DGKI: variants seen among roughly 807,000 people sequenced by gnomAD.
DGKI encodes the protein diacylglycerol kinase iota, also known as DAG kinase iota.
In DGKI, 55 loss-of-function variants were observed where a neutral mutation model predicts 147.5. The ratio of observed to expected loss-of-function variants is 0.37; its 90% confidence interval spans 0.30 to 0.47. The LOEUF is 0.47. Ranked by LOEUF, DGKI falls within the 20% of genes least tolerant of loss-of-function variation. The pLI is 1.00. For missense variants in DGKI, 1,007 were observed against 1,323.8 expected (o/e 0.76, Z 3.71); for synonymous variants, 469 against 477.1 (o/e 0.98, Z 0.22).
chr7:137,622,315 G>A (rs534173933), intron 7 of DGKI, among the ~76,000 whole-genome samples: 3 of 152,326 alleles, frequency 2.0e-5, no homozygotes, highest in Admixed American at 2.0e-4. Flanking sequence ...CATGGCCTGT[G>A]TGGCTAGTTT....
In DGKI at chr7:137,846,117, CCTTTCTCTCTCTCT is replaced by C. The variant is rs1296217466; in HGVS notation, c.401+331_401+344del. 1.3e-5 allele frequency among the ~76,000 whole-genome samples: 1 copy of C among 76,616 alleles called. No homozygotes were observed. The highest frequency in any genetic ancestry group is 2.8e-5 in the Non-Finnish European group (1 of 35,234). 50.3% of individuals were successfully genotyped at this position (76,616 alleles called of 152,430 possible). A position where few individuals can be genotyped will look rare whatever the true frequency, so the allele number is the denominator to read the frequency against. On this transcript the variant is annotated intron_variant, in intron 1 of 32. Transcript: ENST00000614521. The surrounding 1 kb of genome is among the most constrained non-coding windows in gnomAD (Gnocchi z 4.0). Reference sequence around the variant, plus strand: ...AACTAAGCATCACTGAGTCTGCAACCCTTTCTCTCTCTCTCTTTCTCTCTCTCTCTCTCTCTCTC... The same window carrying C: ...AACTAAGCATCACTGAGTCTGCAACCCTTTCTCTCTCTCTCTCTCTCTCTC...
intron 1 of DGKI, among the ~76,000 whole-genome samples, chr7:137,813,775 G>A (rs1008278200): frequency 6.6e-6 from 1 of 152,198 alleles, no homozygotes; most frequent in Non-Finnish European, 1.5e-5. Context: ...CCACTCAAAT[G>A]TAGTGATTTT....
intron 6 of DGKI, among the ~76,000 whole-genome samples, chr7:137,639,514 C>A (rs907552811): frequency 4.6e-5 from 7 of 152,132 alleles, no homozygotes; most frequent in Non-Finnish European, 7.3e-5. Flanking sequence ...TGCTTGTGTA[C>A]CTGGGACCTG....
chr7:137,474,866 C>T (rs1208580598), intron 23 of DGKI, among the ~76,000 whole-genome samples: 9 of 152,128 alleles, frequency 5.9e-5, no homozygotes, highest in Non-Finnish European at 1.0e-4. Context: ...ACCCGCTACT[C>T]GCTGTGAGAG....
At chr7:137,398,687 G>A (rs922315655) in intron 30 of DGKI, among the ~76,000 whole-genome samples, 1 of 151,952 alleles carries the variant, frequency 6.6e-6, no homozygotes, top group Non-Finnish European at 1.5e-5. Context: ...AATTCTCCTG[G>A]TCATCCAAAT....
At chr7:137,691,809 T>TTTTTTTTTGTTTTTTTG (rs1823620584) in intron 1 of DGKI, among the ~76,000 whole-genome samples, 5 of 141,012 alleles carry the variant, frequency 3.5e-5, no homozygotes, top group African/African-American at 1.4e-4. Flanking sequence ...TTTTTTTTTT[T>TTTTTTTTTGTTTTTTTG]TTTTTTTTTT....
intron 1 of DGKI, among the ~76,000 whole-genome samples, chr7:137,745,065 C>A (rs1795283831): frequency 6.6e-6 from 1 of 152,028 alleles, no homozygotes; most frequent in African/African-American, 2.4e-5. Flanking sequence ...ACCCATGTAA[C>A]AAATCTATAC....
intron 21 of DGKI, among the ~76,000 whole-genome samples, chr7:137,495,262 A>G (rs1333787855): frequency 6.6e-6 from 1 of 152,036 alleles, no homozygotes; most frequent in Non-Finnish European, 1.5e-5. Context: ...AAGTCCTTGA[A>G]TAGTCCAATA....
intron 27 of DGKI, among the ~76,000 whole-genome samples, chr7:137,461,205 A>G (rs781314665): frequency 7.9e-5 from 12 of 152,226 alleles, no homozygotes; most frequent in Non-Finnish European, 1.5e-4. Flanking sequence ...TGGAAAAAGC[A>G]TGGAGTCAGA....
intron 1 of DGKI, among the ~76,000 whole-genome samples, chr7:137,740,040 AT>A (rs1271142116): frequency 2.0e-5 from 3 of 152,196 alleles, no homozygotes; most frequent in African/African-American, 7.2e-5. Flanking sequence ...CTCTGTTGGA[AT>A]AAAGCTAGTC....
At chr7:137,451,361 T>C (rs1054818391) in intron 27 of DGKI, among the ~76,000 whole-genome samples, 3 of 152,220 alleles carry the variant, frequency 2.0e-5, no homozygotes, top group Admixed American at 1.3e-4. Flanking sequence ...CAGCACATAT[T>C]GGCTAGTGGC....
intron 1 of DGKI, among the ~76,000 whole-genome samples, chr7:137,829,475 C>G (rs1029453476): frequency 1.3e-5 from 2 of 152,214 alleles, no homozygotes; most frequent in African/African-American, 4.8e-5. Context: ...AATCCCACAA[C>G]GCTGTGCTGT....
chr7:137,474,467 T>C (rs1007772287), intron 23 of DGKI, among the ~76,000 whole-genome samples: 7 of 151,828 alleles, frequency 4.6e-5, no homozygotes, highest in African/African-American at 1.7e-4. Context: ...TGAAAATATA[T>C]CTCAAAGATC....
intron 30 of DGKI, 61 bp downstream of exon 30, chr7:137,407,814 T>C: frequency 2.5e-6 from 4 of 1,588,634 alleles, no homozygotes; most frequent in Non-Finnish European, 2.6e-6. Flanking sequence ...ACTTAGAAAA[T>C]GCAAAATGCA....
chr7:137,579,080 G>C (rs562583876), intron 15 of DGKI, among the ~76,000 whole-genome samples: 1 of 151,980 alleles, frequency 6.6e-6, no homozygotes, highest in South Asian at 2.1e-4. Flanking sequence ...AGATGTATTG[G>C]CATAATTCTC....
At chr7:137,536,914 T>C (rs1392551648) in intron 20 of DGKI, among the ~76,000 whole-genome samples, 1 of 147,668 alleles carries the variant, frequency 6.8e-6, no homozygotes, top group Non-Finnish European at 1.5e-5. Context: ...CAAAACAAAT[T>C]AAAAAAAAAA....
chr7:137,709,465 G>A (rs1264439557), intron 1 of DGKI, among the ~76,000 whole-genome samples: 2 of 152,138 alleles, frequency 1.3e-5, no homozygotes, highest in East Asian at 1.9e-4. Context: ...AAAAATGTTC[G>A]TCTTGAATAC....
At chr7:137,836,346 A>G (rs1798380860) in intron 1 of DGKI, among the ~76,000 whole-genome samples, 1 of 152,244 alleles carries the variant, frequency 6.6e-6, no homozygotes, top group Non-Finnish European at 1.5e-5. Context: ...AACTGCACTC[A>G]TGAACATACT....
At chr7:137,506,811 A>C (rs1244158565) in intron 21 of DGKI, among the ~76,000 whole-genome samples, 4 of 152,212 alleles carry the variant, frequency 2.6e-5, no homozygotes, top group African/African-American at 9.7e-5. Context: ...AAACAGAAAA[A>C]TCAAGAGAAA....
Sources: gnomAD v4.1 joint callset for allele counts (sites outside exome capture counted in the v4.1 genomes callset) on GRCh38, gnomAD v4.1.1 for gene constraint, Gnocchi (gnomAD v3.1) non-coding constraint, MANE v1.5 for transcripts, NCBI Gene and HGNC (gene_info 2026-07-23, HGNC 2026-07-21) for gene names.